PFKFB3: variants seen among roughly 807,000 people sequenced by gnomAD.
PFKFB3 encodes 6-phosphofructo-2-kinase/fructose-2,6-bisphosphatase 3.
Under a neutral mutation model 68.0 loss-of-function variants are expected in PFKFB3, and 33 were observed. The observed-to-expected ratio is 0.49, with a 90% confidence interval of 0.37 to 0.65. PFKFB3 has a LOEUF of 0.65. Among genes scored for constraint, PFKFB3 ranks in the 30% least tolerant of loss-of-function variants. The pLI, the probability that PFKFB3 is intolerant of heterozygous loss-of-function variation, is 0.00. For synonymous variants in PFKFB3, 315 were observed against 288.2 expected (o/e 1.09, Z -0.94); for missense variants, 586 against 712.2 (o/e 0.82, Z 2.02).
At chr10:6,284,083 G>A in the PFKFB3 span, among the ~76,000 whole-genome samples, 1 of 152,170 alleles carries the variant, frequency 6.6e-6, no homozygotes, top group African/African-American at 2.4e-5. Flanking sequence ...TATTTGTTAA[G>A]GTGGATTTTA....
chr10:6,177,971 G>A (rs1842579763), intron 1 of PFKFB3, among the ~76,000 whole-genome samples: 1 of 152,214 alleles, frequency 6.6e-6, no homozygotes, highest in Admixed American at 6.5e-5. Context: ...GTCACCTGAG[G>A]TGCACACGTG....
Position 6,213,641 on chromosome 10 carries a change from C to T in PFKFB3, c.95C>T (p.Thr32Ile). ...SLPRSCGPKL[T>I]NSPTVIVMVG... ...TTTCCAGCCTGTGGGCCAAAGCTGA[C>T]CAACTCCCCCACCGTCATCGTCATG... Residue 32 changes from threonine (T) to isoleucine (I), a missense_variant, in exon 2 of 15, where the codon ACC becomes ATC. Coordinates refer to ENST00000379775, the MANE Select transcript of PFKFB3 (RefSeq NM_004566.4). 6.2e-7 allele frequency: 1 copy of T among 1,612,920 alleles called. No individual in the cohort carries two copies. The highest frequency in any genetic ancestry group is 8.5e-7 in the Non-Finnish European group (1 of 1,179,570).
At position 6,176,255 on chromosome 10, in the gene PFKFB3, C is replaced by T. The variant is rs114408042; in HGVS notation, c.16+31242C>T. Reference sequence around the variant, plus strand: ...CAAGACCCTGCAGATCGTCTGTATCCGATGTCAAGACATGGGTTCCCTTGA... The same window carrying T: ...CAAGACCCTGCAGATCGTCTGTATCTGATGTCAAGACATGGGTTCCCTTGA... On this transcript the variant is annotated intron_variant, in intron 1 of 14. Transcript: ENST00000379789. Among the ~76,000 whole-genome samples the T allele has an allele frequency of 8.4e-3, 1,273 of 151,928 alleles. 27 individuals are homozygous for T. The highest frequency in any genetic ancestry group is 0.029 in the African/African-American group (1,187 of 41,404).
At chr10:6,308,312 A>G in the PFKFB3 span, among the ~76,000 whole-genome samples, 1 of 152,238 alleles carries the variant, frequency 6.6e-6, no homozygotes, top group Non-Finnish European at 1.5e-5. Flanking sequence ...CAGGAGTTCA[A>G]GACCAGCCTG....
exon 15 of PFKFB3, chr10:6,254,226 C>T (rs1383264771): frequency 5.0e-6 from 2 of 398,396 alleles, no homozygotes; most frequent in Non-Finnish European, 8.8e-6. Flanking sequence ...ACCAGTCCAG[C>T]CCCCTGAAGG....
Position 6,206,983 on chromosome 10 carries a change from A to G in PFKFB3, c.76+3647A>G, listed in dbSNP as rs987212588. On this transcript the variant is annotated intron_variant, in intron 1 of 14. Coordinates refer to ENST00000379775, the MANE Select transcript of PFKFB3 (RefSeq NM_004566.4). ...GCAGCCAGGCAGAGGGGCTCCTCACATCCCAGACGATGGGTGGCCAGGCAG... is the reference window on the plus strand; with the variant it reads ...GCAGCCAGGCAGAGGGGCTCCTCACGTCCCAGACGATGGGTGGCCAGGCAG... Among the ~76,000 whole-genome samples the G allele has an allele frequency of 3.4e-5, 5 of 147,272 alleles. 1 individual carries two copies. The highest frequency in any genetic ancestry group is 6.7e-5 in the Admixed American group (1 of 14,874).
At chr10:6,269,089 G>A in the PFKFB3 span, among the ~76,000 whole-genome samples, 3 of 150,880 alleles carry the variant, frequency 2.0e-5, no homozygotes, top group Admixed American at 6.6e-5. Context: ...TTTACTGCTA[G>A]TATGTAGAAA....
intron 1 of PFKFB3, among the ~76,000 whole-genome samples, chr10:6,171,585 G>A (rs1417798742): frequency 6.6e-6 from 1 of 151,694 alleles, no homozygotes; most frequent in Non-Finnish European, 1.5e-5. Context: ...TAGAGATGAG[G>A]TCCCTCTGTG....
At chr10:6,163,531 G>A (rs1842025558) in intron 1 of PFKFB3, among the ~76,000 whole-genome samples, 1 of 152,094 alleles carries the variant, frequency 6.6e-6, no homozygotes, top group Non-Finnish European at 1.5e-5. Flanking sequence ...AGGTAGGGGG[G>A]CCAGACGGGA....
At chr10:6,193,975 A>C (rs1843099985) in intron 1 of PFKFB3, among the ~76,000 whole-genome samples, 1 of 151,896 alleles carries the variant, frequency 6.6e-6, no homozygotes, top group African/African-American at 2.4e-5. Context: ...GTATATGTGC[A>C]GGTCACTGGG....
chr10:6,285,572 A>G, the PFKFB3 span, among the ~76,000 whole-genome samples: 1 of 149,130 alleles, frequency 6.7e-6, no homozygotes, highest in Non-Finnish European at 1.5e-5. Context: ...AGAACACTTT[A>G]TGTGAGATCT....
chr10:6,172,387 C>T (rs373877340), intron 1 of PFKFB3, among the ~76,000 whole-genome samples: 35 of 152,222 alleles, frequency 2.3e-4, no homozygotes, highest in Admixed American at 1.3e-3. Context: ...CAGGACACTT[C>T]GCTGGCCTTT....
the PFKFB3 span, among the ~76,000 whole-genome samples, chr10:6,270,943 A>G: frequency 7.9e-5 from 12 of 152,244 alleles, no homozygotes; most frequent in Non-Finnish European, 1.3e-4. Context: ...TAAATGAAGG[A>G]AAGACATTTT....
rs1347490841 is a variant in PFKFB3, at chr10:6,187,957, A to ATCTG, written c.17-25663_17-25662insGTCT. Among the ~76,000 whole-genome samples the ATCTG allele has an allele frequency of 2.6e-3, 266 of 101,500 alleles. 2 individuals are homozygous for ATCTG. The highest frequency in any genetic ancestry group is 7.7e-3 in the African/African-American group (257 of 33,534). The allele number at this position is 101,500 out of a possible 152,430, so 66.6% of individuals were successfully genotyped here. A position where few individuals can be genotyped will look rare whatever the true frequency, so the allele number is the denominator to read the frequency against. Reference sequence around the variant, plus strand: ...ATTCTCTCCCTCTCCATTTCTATCTATCTATCTATCTATCTATCTATCCAT... The same window carrying ATCTG: ...ATTCTCTCCCTCTCCATTTCTATCTATCTGTCTATCTATCTATCTATCTATCCAT... On this transcript the variant is annotated intron_variant, in intron 1 of 14. Coordinates refer to the PFKFB3 transcript ENST00000379789.
intron 1 of PFKFB3, among the ~76,000 whole-genome samples, chr10:6,207,359 G>T (rs1231780789): frequency 6.6e-6 from 1 of 152,252 alleles, no homozygotes; most frequent in Admixed American, 6.5e-5. Context: ...ATCAGGCAGG[G>T]AGGTTGCAGT....
intron 14 of PFKFB3, among the ~76,000 whole-genome samples, chr10:6,246,691 A>G (rs1846268998): frequency 1.3e-5 from 2 of 152,132 alleles, no homozygotes; most frequent in African/African-American, 4.8e-5. Context: ...TTAGATTTGG[A>G]GGGGAGATGT....
intron 1 of PFKFB3, 94 bp downstream of exon 1, chr10:6,203,430 G>A (rs1843471293): frequency 1.2e-6 from 1 of 813,364 alleles, no homozygotes; most frequent in Non-Finnish European, 1.7e-6. Context: ...CCTCTGCGGG[G>A]GGCGCGCCCG....
chr10:6,315,540 A>G, the PFKFB3 span, among the ~76,000 whole-genome samples: 30 of 151,984 alleles, frequency 2.0e-4, no homozygotes, highest in Admixed American at 1.3e-4. Context: ...CTGGAGTGCA[A>G]TGGTGCGATC....
intron 14 of PFKFB3, among the ~76,000 whole-genome samples, chr10:6,242,260 C>T (rs1435006639): frequency 1.3e-5 from 2 of 152,212 alleles, no homozygotes; most frequent in Admixed American, 6.5e-5. Flanking sequence ...ATTTATACTA[C>T]TGTGGACTCA....
Sources: gnomAD v4.1 joint callset for allele counts (sites outside exome capture counted in the v4.1 genomes callset) on GRCh38, gnomAD v4.1.1 for gene constraint, MANE v1.5 for transcripts, NCBI Gene and HGNC (gene_info 2026-07-23, HGNC 2026-07-21) for gene names.